The following PRPF18 variants were observed in gnomAD, a reference collection of about 807,000 sequenced individuals.
PRPF18 encodes pre-mRNA-splicing factor 18.
PRPF18 carries 38 observed loss-of-function variants against 46.5 expected under a neutral mutation model. The observed-to-expected ratio is 0.82, with a 90% CI of 0.63 to 1.07. The LOEUF is 1.07. PRPF18 is among the 50% of genes least tolerant of loss of function. PRPF18 has a pLI of 0.00. For missense variants in PRPF18, 263 were observed against 410.0 expected (o/e 0.64, Z 3.10); for synonymous variants, 152 against 146.7 (o/e 1.04, Z -0.26).
At chr10:13,653,119 C>G in the PRPF18 span, 1 of 151,838 alleles carries the variant, frequency 6.6e-6, no homozygotes, top group African/African-American at 2.4e-5. Flanking sequence ...AGAAGCTGCT[C>G]GCAGCCTTTG....
chr10:13,623,312 T>G (rs888622899), intron 9 of PRPF18, among the ~76,000 whole-genome samples: 3 of 152,244 alleles, frequency 2.0e-5, no homozygotes, highest in African/African-American at 7.2e-5. Flanking sequence ...TAAGTACACA[T>G]TTTTTGAACA....
At chr10:13,630,177 A>G in intron 9 of PRPF18, 83 bp from the exon 10 acceptor site, 1 of 1,162,658 alleles carries the variant, frequency 8.6e-7, no homozygotes, top group Non-Finnish European at 1.3e-6. Context: ...GGACATTGAC[A>G]AACTGATAAC....
At position 13,616,572 on chromosome 10, in the gene PRPF18, C is replaced by G; in HGVS notation, c.948+19C>G. The stretch of plus-strand genomic sequence containing the variant: ...TATTCAGGTAAGCAGTTTGGAGAGC[C>G]GGGAATTGCCCTGGAAGTGAATATT... On this transcript the variant is annotated intron_variant, in intron 9 of 9. Transcript: ENST00000378572. 2 of 1,612,386 alleles carry G rather than the reference C, an allele frequency of 1.2e-6. No individual in the cohort carries two copies. Among genetic ancestry groups the G allele is most frequent in the Non-Finnish European group, 1.7e-6 (2 of 1,179,016 alleles).
chr10:13,647,874 T>C, the PRPF18 span: 1 of 152,118 alleles, frequency 6.6e-6, no homozygotes, highest in African/African-American at 2.4e-5. Context: ...AAACAGCCTC[T>C]CTTCAATGAT....
At chr10:13,604,750 C>T (rs1330723881) in intron 3 of PRPF18, among the ~76,000 whole-genome samples, 4 of 152,196 alleles carry the variant, frequency 2.6e-5, no homozygotes, top group African/African-American at 9.7e-5. Context: ...GATGGTAACA[C>T]AGTATATCTG....
intron 8 of PRPF18, among the ~76,000 whole-genome samples, chr10:13,615,418 A>G (rs2133796468): frequency 6.6e-6 from 1 of 152,376 alleles, no homozygotes; most frequent in South Asian, 2.1e-4. Context: ...AAGTTTATAC[A>G]CATGAAAATT....
chr10:13,624,312 C>T (rs1301925355), intron 9 of PRPF18, among the ~76,000 whole-genome samples: 1 of 152,216 alleles, frequency 6.6e-6, no homozygotes, highest in African/African-American at 2.4e-5. Flanking sequence ...GAACATTTTC[C>T]TCTAAACACA....
chr10:13,654,601 C>A, the PRPF18 span: 2 of 798,640 alleles, frequency 2.5e-6, no homozygotes, highest in Non-Finnish European at 4.3e-6. Flanking sequence ...GACACCAACC[C>A]AGTGGCCAGA....
chr10:13,602,463 G>A (rs2080125937), intron 3 of PRPF18, among the ~76,000 whole-genome samples: 1 of 150,386 alleles, frequency 6.6e-6, no homozygotes, highest in South Asian at 2.1e-4. Flanking sequence ...TTTTTGCCAT[G>A]CAGAAGTTTT....
Position 13,617,892 on chromosome 10 carries a change from A to T in PRPF18, c.948+1339A>T, listed in dbSNP as rs573437028. Among the ~76,000 whole-genome samples the T allele has an allele frequency of 2.6e-5, 4 of 152,328 alleles. No homozygotes were observed. The South Asian group carries it at 8.3e-4, about 32-fold the overall frequency. On this transcript the variant is annotated intron_variant, in intron 9 of 9. Transcript: ENST00000378572. ...AGGTGATTAGAGAAAATTGATGAGC[A>T]TACTGTATTTGAAATTTAGCTAGGT...
chr10:13,591,349 G>GAAAA, intron 1 of PRPF18: 1 of 398,212 alleles, frequency 2.5e-6, no homozygotes, highest in Non-Finnish European at 4.5e-6. Flanking sequence ...ATATGTATGT[G>GAAAA]AAAAAAGTTT....
At chr10:13,611,166 G>T (rs190690635) in intron 5 of PRPF18, among the ~76,000 whole-genome samples, 121 of 148,054 alleles carry the variant, frequency 8.2e-4, no homozygotes, top group Non-Finnish European at 1.5e-3. Context: ...AAAATAATTG[G>T]TATGGGCAAC....
chr10:13,587,000 T>C lies in PRPF18; in HGVS notation c.-87T>C, dbSNP rs1435102127. 3 of 1,348,968 alleles carry C rather than the reference T, an allele frequency of 2.2e-6. No homozygotes were observed. The highest frequency in any genetic ancestry group is 1.8e-4 in the Middle Eastern group (1 of 5,596). The allele number at this position is 1,348,968 out of a possible 1,614,324, so 83.6% of individuals were successfully genotyped here. ...AGGTGTTTGGGCTTGTTGTTCCGTA[T>C]ACTCAGTGGGTTCGCGGCCGCCGGC... On this transcript the variant is annotated 5_prime_UTR_variant, in exon 1 of 10. Coordinates refer to ENST00000378572, the MANE Select transcript of PRPF18 (RefSeq NM_003675.4).
intron 1 of PRPF18, among the ~76,000 whole-genome samples, chr10:13,590,414 G>A (rs1466638071): frequency 2.0e-5 from 3 of 148,192 alleles, no homozygotes; most frequent in African/African-American, 5.0e-5. Flanking sequence ...TGGCTAACAC[G>A]GTGAAACCCC....
the PRPF18 span, among the ~76,000 whole-genome samples, chr10:13,638,292 G>A: frequency 6.9e-6 from 1 of 145,530 alleles, no homozygotes; most frequent in African/African-American, 2.7e-5. Flanking sequence ...GATAAAGCTT[G>A]GCTTTTCTTT....
intron 2 of PRPF18, chr10:13,597,770 A>G: frequency 2.1e-6 from 2 of 969,800 alleles, no homozygotes; most frequent in South Asian, 1.5e-5. Flanking sequence ...TGTGGACGGC[A>G]TGAAGTGGCT....
Position 13,600,265 on chromosome 10 carries a change from C to G in PRPF18, c.166C>G (p.Gln56Glu), listed in dbSNP as rs1170473455. 1 of 1,610,620 alleles carries G rather than the reference C, an allele frequency of 6.2e-7. No homozygotes were observed. The highest frequency in any genetic ancestry group is 1.7e-5 in the Admixed American group (1 of 59,638). Residue 56 changes from glutamine to glutamate, a missense_variant, in exon 3 of 10, where the codon CAG (glutamine) becomes GAG (glutamate). Physicochemically the swap from Gln to Glu is conservative, Grantham distance 29 (BLOSUM62 2). Transcript: ENST00000378572. ...ATAGATACAGCCAAAAGAGGAGGAC[C>G]AGAAACCATTAACTTCATCGAATCC... ...GYKIQPKEED[Q>E]KPLTSSNPVL...
downstream of PRPF18, among the ~76,000 whole-genome samples, chr10:13,635,087 C>A (rs544077564): frequency 1.3e-5 from 2 of 152,250 alleles, no homozygotes; most frequent in Admixed American, 6.5e-5. Context: ...TGTGTTGTTA[C>A]CCCTGTGTGT....
the PRPF18 span, chr10:13,652,512 A>G: frequency 6.4e-6 from 1 of 155,932 alleles, no homozygotes; most frequent in Non-Finnish European, 1.4e-5. Flanking sequence ...TATATGAAAG[A>G]TGTGTCATTC....
Sources: allele counts gnomAD v4.1 joint callset (sites outside exome capture counted in the v4.1 genomes callset), GRCh38; gene constraint gnomAD v4.1.1; transcripts MANE v1.5; gene names NCBI Gene and HGNC (gene_info 2026-07-23, HGNC 2026-07-21).